Variants in WNT10A observed in about 807,000 individuals in gnomAD.
WNT10A encodes the protein protein Wnt-10a.
WNT10A carries 37 observed loss-of-function variants against 36.1 expected under a neutral mutation model. That is an observed-to-expected ratio of 1.02 (90% confidence interval 0.79 to 1.35). The LOEUF (loss-of-function observed/expected upper bound fraction) is 1.35, where lower values mean the gene tolerates loss of function less well. Ranked by LOEUF, WNT10A falls within the 40% of genes most tolerant of loss-of-function variation. The probability of loss-of-function intolerance (pLI) is 0.00; values close to 1 mark genes in which losing one functional copy is unlikely to be tolerated. For missense variants in WNT10A, 613 were observed against 601.4 expected, an observed-to-expected ratio of 1.02 and a Z score of -0.20; for synonymous variants, 255 against 254.1, an observed-to-expected ratio of 1.00 and a Z score of -0.03.
rs547204429 is a variant in WNT10A at position 218,890,157 on chromosome 2, C to T, written c.550C>T (p.Arg184Cys). 21 of 1,614,150 alleles carry T rather than the reference C, an allele frequency of 1.3e-5. No individual in the cohort carries two copies. Among genetic ancestry groups the T allele is most frequent in the Admixed American group, 6.7e-5 (4 of 60,026 alleles). The change falls in exon 3 of 4, where the codon CGT becomes TGT. Residue 184 changes from arginine to cysteine, a missense_variant. Arg to Cys is a radical substitution (Grantham distance 180, BLOSUM62 -3). Transcript: ENST00000258411. ...LHRLQLDALQ[R>C]GKGLSHGVPE... ...CCGCTTACAACTGGATGCACTGCAG[C>T]GTGGTAAGGGCCTGAGCCATGGGGT...
Position 218,892,769 on chromosome 2 carries a change from C to A in WNT10A, c.757-5C>A. On this transcript the variant is annotated splice_region_variant and splice_polypyrimidine_tract_variant and intron_variant, in intron 3 of 3. Coordinates refer to ENST00000258411, the MANE Select transcript of WNT10A (RefSeq NM_025216.3). ...TGTCACCCCTCACGGTGCCTCCCTC[C>A]GCAGGCAGTGATGGAGAACATGCGG... 1 of 1,584,286 alleles carries A rather than the reference C, an allele frequency of 6.3e-7. No homozygotes were observed. The highest frequency in any genetic ancestry group is 1.2e-5 in the South Asian group (1 of 86,908).
At chr2:218,891,554 C>T (rs1944650688) in intron 3 of WNT10A, among the ~76,000 whole-genome samples, 1 of 152,198 alleles carries the variant, frequency 6.6e-6, no homozygotes, top group Admixed American at 6.5e-5. Context: ...TCCCACCCAG[C>T]CTGCCCTGTA....
rs759559158 is a variant in WNT10A at position 218,890,260 on chromosome 2, T to C, written c.653T>C (p.Met218Thr). Reference protein sequence around the residue: ...SWEWGGCSPDMGFGERFSKDF... With the variant: ...SWEWGGCSPDTGFGERFSKDF... Reference sequence around the variant, plus strand: ...GAGTGGGGCGGCTGCAGCCCCGACATGGGCTTCGGGGAGCGCTTTTCTAAG... The same window carrying C: ...GAGTGGGGCGGCTGCAGCCCCGACACGGGCTTCGGGGAGCGCTTTTCTAAG... The change falls in exon 3 of 4, where the codon ATG becomes ACG. Residue 218 changes from methionine (M) to threonine (T), a missense_variant. Coordinates refer to ENST00000258411, the MANE Select transcript of WNT10A (RefSeq NM_025216.3). The C allele has an allele frequency of 1.9e-6, 3 of 1,612,808 alleles. No individual in the cohort carries two copies. Among genetic ancestry groups the C allele is most frequent in the Non-Finnish European group, 2.5e-6 (3 of 1,179,922 alleles).
intron 2 of WNT10A, among the ~76,000 whole-genome samples, chr2:218,885,914 A>C (rs971194288): frequency 2.0e-5 from 3 of 152,194 alleles, no homozygotes; most frequent in Non-Finnish European, 4.4e-5. Flanking sequence ...ACTGCTCTAC[A>C]GCATTTTATC....
In WNT10A at chr2:218,892,856, C is replaced by T. The variant is rs1207783828; in HGVS notation, c.839C>T (p.Thr280Met). 3 of 1,585,720 alleles carry T rather than the reference C, an allele frequency of 1.9e-6. No homozygotes were observed. The highest frequency in any genetic ancestry group is 2.6e-6 in the Non-Finnish European group (3 of 1,168,002). ...SCQLKTCWQV[T>M]PEFRTVGALL... Reference sequence around the variant, plus strand: ...CAGCTCAAGACGTGCTGGCAGGTGACGCCCGAGTTCCGCACCGTGGGGGCG... The same window carrying T: ...CAGCTCAAGACGTGCTGGCAGGTGATGCCCGAGTTCCGCACCGTGGGGGCG... Residue 280 changes from threonine to methionine, a missense_variant, in exon 4 of 4, where the codon ACG becomes ATG. By Grantham distance (81) the Thr-to-Met change is moderately conservative. Transcript: ENST00000258411.
Position 218,880,904 on chromosome 2 carries a change from G to T in WNT10A, c.-92G>T, listed in dbSNP as rs1204571232. On this transcript the variant is annotated 5_prime_UTR_variant, in exon 1 of 4. Transcript: ENST00000258411. The surrounding 1 kb of genome is among the most constrained non-coding windows in gnomAD (Gnocchi z 7.7). ...CGGAGCTGTGTGTCGCAGCCGCCCC[G>T]ACCCCCCGCCGATCATGCGCCGGCG... is the stretch of plus-strand genomic sequence containing the variant. 9.1e-6 allele frequency: 13 copies of T among 1,423,832 alleles called. No homozygotes were observed. Among genetic ancestry groups the T allele is most frequent in the Non-Finnish European group, 1.0e-5 (11 of 1,085,646 alleles). 88.2% of individuals were successfully genotyped at this position (1,423,832 alleles called of 1,614,324 possible). A position where few individuals can be genotyped will look rare whatever the true frequency, so the allele number is the denominator to read the frequency against.
At position 218,892,946 on chromosome 2, in the gene WNT10A, T is replaced by G. The variant is rs1002615813; in HGVS notation, c.929T>G (p.Leu310Arg). The G allele has an allele frequency of 4.6e-5, 67 of 1,463,740 alleles. No homozygotes were observed. The highest frequency in any genetic ancestry group is 5.9e-5 in the Non-Finnish European group (66 of 1,111,570). The allele number at this position is 1,463,740 out of a possible 1,614,324, so 90.7% of individuals were successfully genotyped here. The change falls in exon 4 of 4, where the codon CTG becomes CGG. Residue 310 changes from leucine to arginine, a missense_variant. Coordinates refer to ENST00000258411, the MANE Select transcript of WNT10A (RefSeq NM_025216.3). ...IRPHNRNGGQLEPGPAGAPSP... is the reference protein window; with the variant it reads ...IRPHNRNGGQREPGPAGAPSP... ...CCGCACAACCGCAACGGCGGCCAGCTGGAGCCGGGCCCAGCGGGGGCACCC... is the reference window on the plus strand; with the variant it reads ...CCGCACAACCGCAACGGCGGCCAGCGGGAGCCGGGCCCAGCGGGGGCACCC...
upstream of WNT10A, chr2:218,880,668 C>A: frequency 3.5e-6 from 1 of 281,758 alleles, no homozygotes; most frequent in Non-Finnish European, 6.6e-6. This position sits in a 1 kb window ranked among gnomAD's most constrained non-coding sequence, Gnocchi z 7.7. Context: ...CTCCCGTCCC[C>A]AGCCCGCTGC....
In WNT10A at chr2:218,892,776, A is replaced by T; in HGVS notation, c.759A>T (p.Ala253=). The change falls in exon 4 of 4, where the codon GCA becomes GCT. Residue 253 remains alanine (A), a splice_region_variant and synonymous_variant. Transcript: ENST00000258411. ...CCTCACGGTGCCTCCCTCCGCAGGC[A>T]GTGATGGAGAACATGCGGCGGAAGT... is the stretch of plus-strand genomic sequence containing the variant. The part of the protein sequence containing the change: ...RLHNNRVGRQ[A]VMENMRRKCK... The T allele has an allele frequency of 6.3e-7, 1 of 1,590,508 alleles. No homozygotes were observed. Among genetic ancestry groups the T allele is most frequent in the Non-Finnish European group, 8.5e-7 (1 of 1,169,700 alleles).
chr2:218,889,488 A>C (rs563124136), intron 2 of WNT10A, among the ~76,000 whole-genome samples: 1 of 152,208 alleles, frequency 6.6e-6, no homozygotes, highest in African/African-American at 2.4e-5. Flanking sequence ...TAGTTCTTTG[A>C]GGAATCTCCA....
intron 2 of WNT10A, chr2:218,884,355 T>G: frequency 2.9e-5 from 4 of 138,044 alleles, no homozygotes; most frequent in Non-Finnish European, 3.1e-5. Flanking sequence ...AGGGGGGAGG[T>G]TAGGGCTGGA....
intron 1 of WNT10A, 70 bp downstream of exon 1, chr2:218,881,178 C>T: frequency 1.9e-6 from 3 of 1,546,288 alleles, no homozygotes; most frequent in African/African-American, 2.7e-5. Flanking sequence ...CTCTGATGCT[C>T]TTGCTGGGGT....
At chr2:218,886,215 G>GCA (rs112761948) in intron 2 of WNT10A, among the ~76,000 whole-genome samples, 282 of 150,698 alleles carry the variant, frequency 1.9e-3, no homozygotes, top group African/African-American at 6.0e-3. Flanking sequence ...ATACGTGCAC[G>GCA]CACACACACA....
chr2:218,879,779 G>T (rs1017760453), upstream of WNT10A, among the ~76,000 whole-genome samples: 1 of 152,204 alleles, frequency 6.6e-6, no homozygotes, highest in Non-Finnish European at 1.5e-5. Context: ...CTAATTTGCT[G>T]TGTGACCTCT....
chr2:218,877,970 C>A (rs984264409), upstream of WNT10A, among the ~76,000 whole-genome samples: 6 of 152,162 alleles, frequency 3.9e-5, no homozygotes, highest in Non-Finnish European at 7.4e-5. The surrounding 1 kb of genome is among the most constrained non-coding windows in gnomAD (Gnocchi z 4.1). Flanking sequence ...TTCTCACCCC[C>A]ATGCTTCCCC....
At chr2:218,884,796 T>C (rs541799401) in intron 2 of WNT10A, among the ~76,000 whole-genome samples, 7 of 152,340 alleles carry the variant, frequency 4.6e-5, no homozygotes, top group Admixed American at 3.9e-4. Flanking sequence ...CTCCTTTCTT[T>C]CCAAGTTATG....
In WNT10A at chr2:218,893,019, C is replaced by T. The variant is rs745552253; in HGVS notation, c.1002C>T (p.Ala334=). Residue 334 remains alanine, a synonymous_variant, in exon 4 of 4, where the codon GCC becomes GCT. Coordinates refer to ENST00000258411, the MANE Select transcript of WNT10A (RefSeq NM_025216.3). This position sits in a 1 kb window ranked among gnomAD's most constrained non-coding sequence, Gnocchi z 6.3. ...GGCCGCGCCGACGGGCCAGCCCCGC[C>T]GACCTGGTCTACTTCGAAAAGTCTC... ...APGPRRRASP[A]DLVYFEKSPD... 34 of 1,587,748 alleles carry T rather than the reference C, an allele frequency of 2.1e-5. No individual in the cohort carries two copies. Among genetic ancestry groups the T allele is most frequent in the Non-Finnish European group, 2.6e-5 (30 of 1,175,808 alleles).
chr2:218,885,818 T>C (rs1330625560), intron 2 of WNT10A, among the ~76,000 whole-genome samples: 1 of 152,236 alleles, frequency 6.6e-6, no homozygotes, highest in Non-Finnish European at 1.5e-5. Context: ...TGGGCACTCA[T>C]ATCCCAGGAT....
At chr2:218,879,073 C>A (rs922260410), upstream of WNT10A, among the ~76,000 whole-genome samples, 125 of 151,672 alleles carry the variant, frequency 8.2e-4, no homozygotes, top group Non-Finnish European at 1.4e-3. Context: ...CTGCTCCCCC[C>A]CCACTGCCCC....
Sources: gnomAD v4.1 joint callset for allele counts (sites outside exome capture counted in the v4.1 genomes callset) on GRCh38, gnomAD v4.1.1 for gene constraint, Gnocchi (gnomAD v3.1) non-coding constraint, MANE v1.5 for transcripts, NCBI Gene and HGNC (gene_info 2026-07-23, HGNC 2026-07-21) for gene names.